Variants in KLRG1 observed in about 807,000 individuals in gnomAD.
KLRG1 encodes the protein killer cell lectin like receptor G1, also known as killer cell lectin-like receptor subfamily G member 1.
In KLRG1, 16 loss-of-function variants were observed where a neutral mutation model predicts 21.8. The ratio of observed to expected loss-of-function variants is 0.73; its 90% CI spans 0.50 to 1.11. The LOEUF is 1.11. Ranked by LOEUF, KLRG1 falls within the 50% of genes most tolerant of loss-of-function variation. The pLI is 0.00. For synonymous variants in KLRG1, 69 were observed against 75.9 expected, an observed-to-expected ratio of 0.91 and a Z score of 0.47; for missense variants, 173 against 218.3, an observed-to-expected ratio of 0.79 and a Z score of 1.31.
chr12:8,965,750 T>C (rs1306913588), intron 1 of KLRG1, among the ~76,000 whole-genome samples: 1 of 152,142 alleles, frequency 6.6e-6, no homozygotes, highest in African/African-American at 2.4e-5. Context: ...ATCGTGAAAA[T>C]GGCCATACTG....
At chr12:9,002,236 A>G (rs1807918464) in intron 3 of KLRG1, among the ~76,000 whole-genome samples, 1 of 152,172 alleles carries the variant, frequency 6.6e-6, no homozygotes, top group Admixed American at 6.6e-5. Flanking sequence ...GGGTTGAAAT[A>G]ACTTACATAC....
the KLRG1 span, chr12:9,072,420 G>C: frequency 6.2e-7 from 1 of 1,613,884 alleles, no homozygotes. Flanking sequence ...GTTTGAGGCA[G>C]AGTCTGCACT....
chr12:9,209,295 A>G, the KLRG1 span, among the ~76,000 whole-genome samples: 6 of 152,100 alleles, frequency 3.9e-5, no homozygotes, highest in African/African-American at 1.4e-4. Flanking sequence ...CAGCCTAATC[A>G]TCCCTTCTTT....
At chr12:9,041,891 C>G in the KLRG1 span, among the ~76,000 whole-genome samples, 1 of 152,076 alleles carries the variant, frequency 6.6e-6, no homozygotes, top group African/African-American at 2.4e-5. Flanking sequence ...TTGCGTGCAG[C>G]AATTTATCAC....
At chr12:9,158,608 CTTT>C in the KLRG1 span, 1 of 1,608,936 alleles carries the variant, frequency 6.2e-7, no homozygotes, top group South Asian at 1.1e-5. Flanking sequence ...TGCTGAGGCT[CTTT>C]TCATTGAGCA....
At chr12:9,162,937 C>T in the KLRG1 span, among the ~76,000 whole-genome samples, 1 of 152,128 alleles carries the variant, frequency 6.6e-6, no homozygotes, top group Admixed American at 6.5e-5. Flanking sequence ...TCTGTCACTC[C>T]CACTCTCAGA....
the KLRG1 span, among the ~76,000 whole-genome samples, chr12:9,180,123 C>CTTAT: frequency 4.6e-4 from 70 of 152,122 alleles, no homozygotes; most frequent in Middle Eastern, 3.4e-3. Context: ...TCAATAGAGG[C>CTTAT]TTATTTATTT....
chr12:9,165,359 C>G, the KLRG1 span: 1 of 1,613,828 alleles, frequency 6.2e-7, no homozygotes, highest in African/African-American at 1.3e-5. Flanking sequence ...CTCAGCCACA[C>G]CTGATGAGCT....
At chr12:9,042,334 A>G in the KLRG1 span, among the ~76,000 whole-genome samples, 1 of 152,256 alleles carries the variant, frequency 6.6e-6, no homozygotes, top group East Asian at 1.9e-4. Flanking sequence ...AAAGATTATT[A>G]AAGTAATAAA....
chr12:9,141,132 A>G, the KLRG1 span, among the ~76,000 whole-genome samples: 2 of 152,188 alleles, frequency 1.3e-5, no homozygotes, highest in Non-Finnish European at 2.9e-5. Flanking sequence ...CCTTTGTGGC[A>G]TGCAATATTT....
At chr12:9,203,112 CAT>C in the KLRG1 span, among the ~76,000 whole-genome samples, 2 of 152,122 alleles carry the variant, frequency 1.3e-5, no homozygotes, top group Non-Finnish European at 1.5e-5. Context: ...ATGAAATTTT[CAT>C]ATGATCTATT....
At chr12:9,194,057 AT>A in the KLRG1 span, 42 of 1,598,890 alleles carry the variant, frequency 2.6e-5, 1 homozygote, top group Non-Finnish European at 3.3e-5. Flanking sequence ...GTCCTCAGAG[AT>A]TTGTCTTTCT....
the KLRG1 span, among the ~76,000 whole-genome samples, chr12:9,103,235 G>T: frequency 0.39 from 60,003 of 151,942 alleles, 12,834 homozygotes; most frequent in African/African-American, 0.54. Context: ...CAACATGTAT[G>T]ATTTCACTTA....
At chr12:9,031,385 T>C in the KLRG1 span, among the ~76,000 whole-genome samples, 14 of 152,238 alleles carry the variant, frequency 9.2e-5, no homozygotes, top group African/African-American at 3.4e-4. Context: ...TCAAGGACTG[T>C]CAAACAAAGG....
At chr12:9,103,275 T>G in the KLRG1 span, among the ~76,000 whole-genome samples, 1 of 152,210 alleles carries the variant, frequency 6.6e-6, no homozygotes. Flanking sequence ...GAGTCAGGTG[T>G]TAGTATTGCA....
At chr12:9,153,214 T>G in the KLRG1 span, 1 of 1,614,158 alleles carries the variant, frequency 6.2e-7, no homozygotes, top group Non-Finnish European at 8.5e-7. Flanking sequence ...AATAGGAGGT[T>G]GTTGTTGTCT....
chr12:9,177,104 C>G, the KLRG1 span, among the ~76,000 whole-genome samples: 1 of 152,148 alleles, frequency 6.6e-6, no homozygotes, highest in Non-Finnish European at 1.5e-5. Context: ...TATTCATGCC[C>G]GAACATTGTT....
At chr12:8,991,435 C>T (rs1173591327) in intron 1 of KLRG1, among the ~76,000 whole-genome samples, 1 of 151,976 alleles carries the variant, frequency 6.6e-6, no homozygotes, top group Non-Finnish European at 1.5e-5. Context: ...ATTTCAATTT[C>T]GAGTAGATAA....
At chr12:9,119,445 G>T in the KLRG1 span, among the ~76,000 whole-genome samples, 1 of 152,066 alleles carries the variant, frequency 6.6e-6, no homozygotes, top group African/African-American at 2.4e-5. Flanking sequence ...TAAGGACAAG[G>T]ACATTGGGAT....
Sources: allele counts gnomAD v4.1 joint callset (sites outside exome capture counted in the v4.1 genomes callset), GRCh38; gene constraint gnomAD v4.1.1; transcripts MANE v1.5; gene names NCBI Gene and HGNC (gene_info 2026-07-23, HGNC 2026-07-21).